The following LRRTM4 variants were observed in gnomAD, a reference collection of about 807,000 sequenced individuals.
LRRTM4 encodes leucine-rich repeat transmembrane neuronal protein 4.
LRRTM4 carries 25 observed loss-of-function variants against 47.6 expected under a neutral mutation model. The observed-to-expected ratio is 0.53, with a 90% CI of 0.38 to 0.73. LRRTM4 has a LOEUF of 0.73. LRRTM4 is among the 30% of genes least tolerant of loss of function. LRRTM4 has a pLI of 0.00. For synonymous variants in LRRTM4, 311 were observed against 269.5 expected (o/e 1.15, Z -1.51); for missense variants, 638 against 713.4 (o/e 0.89, Z 1.20).
At chr2:77,462,705 A>T (rs1195059103) in intron 3 of LRRTM4, among the ~76,000 whole-genome samples, 1 of 152,086 alleles carries the variant, frequency 6.6e-6, no homozygotes, top group African/African-American at 2.4e-5. Flanking sequence ...AAATACTCCC[A>T]AGCAAAGGCT....
chr2:77,406,846 G>A (rs1349980896), intron 3 of LRRTM4, among the ~76,000 whole-genome samples: 1 of 152,034 alleles, frequency 6.6e-6, no homozygotes, highest in Non-Finnish European at 1.5e-5. Context: ...CTGGAATACA[G>A]TAATCTTGTA....
chr2:77,120,190 A>T (rs1387397170), intron 3 of LRRTM4, among the ~76,000 whole-genome samples: 1 of 151,832 alleles, frequency 6.6e-6, no homozygotes, highest in East Asian at 1.9e-4. Flanking sequence ...TTGATTTCAC[A>T]TCTCTTGTGC....
intron 3 of LRRTM4, among the ~76,000 whole-genome samples, chr2:77,362,536 G>A (rs1672281877): frequency 6.6e-6 from 1 of 152,114 alleles, no homozygotes; most frequent in South Asian, 2.1e-4. Flanking sequence ...GCTGTGGTCC[G>A]TGTTACCCCA....
intron 3 of LRRTM4, among the ~76,000 whole-genome samples, chr2:77,357,395 T>G (rs1393623046): frequency 1.3e-5 from 2 of 152,132 alleles, no homozygotes; most frequent in Admixed American, 1.3e-4. Flanking sequence ...AAATACAAGA[T>G]CATGGCCACA....
intron 3 of LRRTM4, among the ~76,000 whole-genome samples, chr2:76,970,728 G>A (rs1446412426): frequency 6.6e-6 from 1 of 151,996 alleles, no homozygotes; most frequent in African/African-American, 2.4e-5. Flanking sequence ...CTGTAGCAAT[G>A]TAATTAGATT....
intron 3 of LRRTM4, among the ~76,000 whole-genome samples, chr2:76,761,352 T>A (rs1673247640): frequency 6.6e-6 from 1 of 152,226 alleles, no homozygotes; most frequent in South Asian, 2.1e-4. Flanking sequence ...TTGGCCCTAT[T>A]TATATCCTTG....
At chr2:77,295,280 G>A (rs1042284909) in intron 3 of LRRTM4, among the ~76,000 whole-genome samples, 1 of 152,042 alleles carries the variant, frequency 6.6e-6, no homozygotes, top group Admixed American at 6.6e-5. Context: ...TTTTGTCTTA[G>A]TAATTGTTTT....
chr2:77,380,327 G>C (rs1227738684), intron 3 of LRRTM4, among the ~76,000 whole-genome samples: 1 of 152,064 alleles, frequency 6.6e-6, no homozygotes, highest in Non-Finnish European at 1.5e-5. Context: ...AACATCTTTT[G>C]AGGACAATTT....
chr2:77,230,545 A>T (rs1186829546), intron 3 of LRRTM4, among the ~76,000 whole-genome samples: 1 of 152,190 alleles, frequency 6.6e-6, no homozygotes, highest in East Asian at 1.9e-4. Flanking sequence ...AAGAAATAGC[A>T]ATCCCATCAC....
At chr2:77,287,139 G>A (rs1573197706) in intron 3 of LRRTM4, among the ~76,000 whole-genome samples, 3 of 151,936 alleles carry the variant, frequency 2.0e-5, no homozygotes, top group Non-Finnish European at 2.9e-5. Flanking sequence ...GTTACACAAC[G>A]CAGCATCTCT....
At chr2:77,300,699 G>A (rs984905203) in intron 3 of LRRTM4, among the ~76,000 whole-genome samples, 3 of 152,062 alleles carry the variant, frequency 2.0e-5, no homozygotes, top group Non-Finnish European at 4.4e-5. Context: ...AAAAGGATCT[G>A]AGGAACATAT....
At chr2:77,295,870 G>T (rs886489931) in intron 3 of LRRTM4, among the ~76,000 whole-genome samples, 9 of 152,196 alleles carry the variant, frequency 5.9e-5, no homozygotes, top group African/African-American at 2.2e-4. Flanking sequence ...CAAATACTGA[G>T]ATATTTGGAC....
At chr2:77,145,346 T>A (rs1225091147) in intron 3 of LRRTM4, among the ~76,000 whole-genome samples, 3 of 151,864 alleles carry the variant, frequency 2.0e-5, no homozygotes, top group Non-Finnish European at 4.4e-5. Flanking sequence ...AAAGCCCTTT[T>A]ATTTTTTCAT....
intron 3 of LRRTM4, among the ~76,000 whole-genome samples, chr2:76,796,097 G>A (rs111296145): frequency 0.28 from 32,997 of 118,666 alleles, 7,981 homozygotes; most frequent in East Asian, 0.61. Context: ...CGAATACTGC[G>A]CTTTTCAGAC....
At chr2:76,820,746 A>G (rs552170693) in intron 3 of LRRTM4, among the ~76,000 whole-genome samples, 2 of 151,928 alleles carry the variant, frequency 1.3e-5, no homozygotes, top group Non-Finnish European at 2.9e-5. Flanking sequence ...ATGCTTAAGC[A>G]TCAAGCTGGT....
At chr2:77,093,694 C>A (rs912078110) in intron 3 of LRRTM4, among the ~76,000 whole-genome samples, 4 of 151,900 alleles carry the variant, frequency 2.6e-5, no homozygotes, top group Non-Finnish European at 5.9e-5. Context: ...CAAGCCAAGC[C>A]ATCGCATCCC....
intron 3 of LRRTM4, among the ~76,000 whole-genome samples, chr2:76,829,301 G>A (rs1472492917): frequency 1.3e-5 from 2 of 151,952 alleles, no homozygotes; most frequent in Admixed American, 1.3e-4. Context: ...TCGAGTGCAG[G>A]AAGAACTAGA....
intron 3 of LRRTM4, among the ~76,000 whole-genome samples, chr2:77,408,872 T>G (rs1032255644): frequency 1.6e-4 from 25 of 152,204 alleles, no homozygotes; most frequent in African/African-American, 5.8e-4. Flanking sequence ...GAATATCAAT[T>G]AAACAGTCAA....
At chr2:77,056,938 G>T (rs1391499056) in intron 3 of LRRTM4, among the ~76,000 whole-genome samples, 1 of 152,112 alleles carries the variant, frequency 6.6e-6, no homozygotes, top group African/African-American at 2.4e-5. Flanking sequence ...TATAATATAG[G>T]ATTTGGCAAA....
Sources: allele counts gnomAD v4.1 joint callset (sites outside exome capture counted in the v4.1 genomes callset), GRCh38; gene constraint gnomAD v4.1.1; transcripts MANE v1.5; gene names NCBI Gene and HGNC (gene_info 2026-07-23, HGNC 2026-07-21).